ATP5PF: variants seen among roughly 807,000 people sequenced by gnomAD.
ATP5PF encodes the protein ATP synthase peripheral stalk subunit F6, mitochondrial.
A neutral mutation model predicts 12.0 loss-of-function variants in ATP5PF; 7 were observed. That is an observed-to-expected ratio of 0.58 (90% CI 0.33 to 1.10). The LOEUF (loss-of-function observed/expected upper bound fraction) is 1.10. Ranked by LOEUF, ATP5PF falls within the 50% of genes least tolerant of loss-of-function variation. The pLI is 0.03. For missense variants in ATP5PF, 120 were observed against 127.7 expected (o/e 0.94, Z 0.29); for synonymous variants, 41 against 45.4 (o/e 0.90, Z 0.39).
chr21:25,734,820 A>T (rs1291530987), intron 1 of ATP5PF, 33 bp downstream of exon 1: 2 of 1,524,888 alleles, frequency 1.3e-6, no homozygotes, highest in East Asian at 2.5e-5. Context: ...GAGTCCCAAA[A>T]GGCCACGCTG....
At chr21:25,735,208 C>G (rs2034991817), upstream of ATP5PF, 22 of 592,934 alleles carry the variant, frequency 3.7e-5, no homozygotes, top group South Asian at 4.2e-4. Context: ...TTCAAGCTCC[C>G]CTCCGAGTCA....
At chr21:25,730,747 A>C (rs2034747840) in intron 1 of ATP5PF, among the ~76,000 whole-genome samples, 2 of 71,654 alleles carry the variant, frequency 2.8e-5, no homozygotes, top group Non-Finnish European at 4.7e-5. Flanking sequence ...AAAAAAAAAA[A>C]AAAAAAAAAA....
At chr21:25,730,736 C>CACACAAAAAAAAAAAAAA (rs1219090743) in intron 1 of ATP5PF, among the ~76,000 whole-genome samples, 1 of 31,894 alleles carries the variant, frequency 3.1e-5, no homozygotes, top group Non-Finnish European at 7.0e-5. Flanking sequence ...CTCCGTCTCA[C>CACACAAAAAAAAAAAAAA]AAAAAAAAAA....
chr21:25,732,253 C>T (rs764477643), intron 1 of ATP5PF, among the ~76,000 whole-genome samples: 16 of 152,246 alleles, frequency 1.1e-4, no homozygotes, highest in Admixed American at 4.6e-4. Context: ...AACACTATAA[C>T]GACAATAACA....
chr21:25,729,232 T>C (rs376642170), intron 2 of ATP5PF, among the ~76,000 whole-genome samples: 9 of 152,340 alleles, frequency 5.9e-5, no homozygotes, highest in East Asian at 3.9e-4. Flanking sequence ...AAAATATACT[T>C]TGATAATATA....
chr21:25,730,736 CAAAAAAAAAAAAAAAAAAAAAAAAAAA>C (rs71183508), intron 1 of ATP5PF, among the ~76,000 whole-genome samples: 3 of 31,878 alleles, frequency 9.4e-5, no homozygotes, highest in South Asian at 1.7e-3. Flanking sequence ...CTCCGTCTCA[CAAAAAAAAAAAAAAAAAAAAAAAAAAA>C]AAAAAAAAAA....
At chr21:25,725,025 A>G in intron 3 of ATP5PF, 1 of 685,134 alleles carries the variant, frequency 1.5e-6, no homozygotes, top group Middle Eastern at 4.1e-4. Flanking sequence ...GATCCCCACC[A>G]TTTAATCACT....
chr21:25,730,168 C>CA (rs1414771438), intron 1 of ATP5PF, among the ~76,000 whole-genome samples: 1 of 152,224 alleles, frequency 6.6e-6, no homozygotes, highest in Non-Finnish European at 1.5e-5. Context: ...GGCCCCCAAA[C>CA]TAATGTACAA....
intron 2 of ATP5PF, among the ~76,000 whole-genome samples, chr21:25,729,015 T>A (rs1028132061): frequency 2.6e-5 from 4 of 152,208 alleles, no homozygotes; most frequent in African/African-American, 9.6e-5. Context: ...TTGGACCTGA[T>A]GACAGCTAAG....
chr21:25,731,638 T>C (rs1448226395), intron 1 of ATP5PF, among the ~76,000 whole-genome samples: 1 of 151,934 alleles, frequency 6.6e-6, no homozygotes, highest in Non-Finnish European at 1.5e-5. Flanking sequence ...AGTGAAAATC[T>C]GATATGCTAA....
intron 2 of ATP5PF, among the ~76,000 whole-genome samples, chr21:25,728,531 C>T (rs143814267): frequency 0.012 from 1,902 of 152,296 alleles, 51 homozygotes; most frequent in African/African-American, 0.044. Context: ...AACCTTCATA[C>T]ACTGATCTTT....
chr21:25,724,666 C>CA lies in ATP5PF; in HGVS notation c.300dup (p.Glu101Ter). ...CAGGCCTGGGGTTTTTCGATGACTT[C>CA]AAATTTGGGATCTAAGAAGAGGGGG... On this transcript the variant is annotated frameshift_variant, in exon 4 of 4. Transcript: ENST00000284971. LOFTEE classifies it high-confidence loss of function. 6.3e-7 allele frequency: 1 copy of CA among 1,595,774 alleles called. No homozygotes were observed. Among genetic ancestry groups the CA allele is most frequent in the Non-Finnish European group, 8.5e-7 (1 of 1,175,344 alleles).
chr21:25,724,796 A>G (rs2034573393), intron 3 of ATP5PF, 119 bp from the exon 4 acceptor site: 2 of 984,856 alleles, frequency 2.0e-6, no homozygotes. Context: ...CTGTTTGTAA[A>G]CATTTACATA....
At chr21:25,733,888 C>T (rs556718391) in intron 1 of ATP5PF, among the ~76,000 whole-genome samples, 55 of 152,356 alleles carry the variant, frequency 3.6e-4, no homozygotes, top group Non-Finnish European at 3.8e-4. Context: ...GTAAAATCCA[C>T]TTTCATTGTT....
chr21:25,730,736 C>CA lies in ATP5PF; in HGVS notation c.-7-936dup, dbSNP rs71183508. Among the ~76,000 whole-genome samples, 82 of 31,888 alleles carry CA rather than the reference C, an allele frequency of 2.6e-3. 16 individuals are homozygous for CA. The highest frequency in any genetic ancestry group is 2.9e-3 in the Non-Finnish European group (41 of 14,380). The allele number at this position is 31,888 out of a possible 152,430, so 20.9% of individuals were successfully genotyped here. A position where few individuals can be genotyped will look rare whatever the true frequency, so the allele number is the denominator to read the frequency against. The stretch of plus-strand genomic sequence containing the variant: ...GCAACAAGAGCAAGACTCCGTCTCA[C>CA]AAAAAAAAAAAAAAAAAAAAAAAAA... On this transcript the variant is annotated intron_variant, in intron 1 of 3. Transcript: ENST00000284971.
rs1196810536 is a variant in ATP5PF at position 25,734,888 on chromosome 21, G to A, written c.-43C>T. 20 of 1,554,014 alleles carry A rather than the reference G, an allele frequency of 1.3e-5. No homozygotes were observed. Among genetic ancestry groups the A allele is most frequent in the Non-Finnish European group, 1.5e-5 (17 of 1,152,748 alleles). ...GTCCCGAGCTGCCAAAGCCTCCGCC[G>A]CCACCACCTCCGCTCTACTTCCGGC... On this transcript the variant is annotated 5_prime_UTR_variant, in exon 1 of 4. Transcript: ENST00000284971.
chr21:25,735,037 G>A, upstream of ATP5PF: 1 of 1,436,554 alleles, frequency 7.0e-7, no homozygotes, highest in Non-Finnish European at 9.5e-7. Context: ...GGGTCTAGGT[G>A]AGACAGAAGC....
At chr21:25,731,919 T>TA (rs1278202378) in intron 1 of ATP5PF, among the ~76,000 whole-genome samples, 13 of 152,166 alleles carry the variant, frequency 8.5e-5, no homozygotes, top group Non-Finnish European at 1.5e-4. Flanking sequence ...AACCTGTCTC[T>TA]AAAAAATTAG....
intron 1 of ATP5PF, among the ~76,000 whole-genome samples, chr21:25,732,669 G>A (rs1423651521): frequency 2.0e-5 from 3 of 147,680 alleles, no homozygotes; most frequent in Non-Finnish European, 4.5e-5. Context: ...AAGAAAGAAA[G>A]AAATCCTACA....
Sources: allele counts gnomAD v4.1 joint callset (sites outside exome capture counted in the v4.1 genomes callset), GRCh38; gene constraint gnomAD v4.1.1; transcripts MANE v1.5; gene names NCBI Gene and HGNC (gene_info 2026-07-23, HGNC 2026-07-21).